Variants in RTN4 observed in about 807,000 individuals in gnomAD.
RTN4 encodes reticulon 4, also known as reticulon-4.
Under a neutral mutation model 90.4 loss-of-function variants are expected in RTN4, and 32 were observed. The ratio of observed to expected loss-of-function variants is 0.35; its 90% CI spans 0.27 to 0.48. The LOEUF (loss-of-function observed/expected upper bound fraction) is 0.48. Among genes scored for constraint, RTN4 ranks in the 20% least tolerant of loss-of-function variants. The probability of loss-of-function intolerance (pLI) is 0.99; values close to 1 mark genes in which losing one functional copy is unlikely to be tolerated. For missense variants in RTN4, 1,706 were observed against 1,430.2 expected (o/e 1.19, Z -3.11); for synonymous variants, 629 against 552.5 (o/e 1.14, Z -1.94).
At chr2:55,127,114 G>A in the RTN4 span, among the ~76,000 whole-genome samples, 31 of 152,014 alleles carry the variant, frequency 2.0e-4, no homozygotes, top group Non-Finnish European at 3.7e-4. Context: ...CCCATAACTC[G>A]TGTTTATCTA....
In RTN4 at chr2:54,973,646, AT is replaced by A; in HGVS notation, c.3478-26del. ...CCTGAAAGAGAGGTATAAAGGAATT[AT>A]TACCGTTGCTAAAGAATCTTATTAA... On this transcript the variant is annotated intron_variant, in intron 7 of 8. Transcript: ENST00000337526. 1.9e-6 allele frequency: 3 copies of A among 1,583,866 alleles called. No individual in the cohort carries two copies. The East Asian group carries it at 6.7e-5, about 35-fold the overall frequency.
intron 3 of RTN4, among the ~76,000 whole-genome samples, chr2:55,011,258 C>T (rs935262821): frequency 1.3e-5 from 2 of 152,072 alleles, no homozygotes; most frequent in Non-Finnish European, 2.9e-5. Flanking sequence ...AACTCCTGGG[C>T]TCAAGCAATT....
At chr2:54,996,762 T>C (rs1477853942) in intron 3 of RTN4, among the ~76,000 whole-genome samples, 1 of 152,204 alleles carries the variant, frequency 6.6e-6, no homozygotes, top group Non-Finnish European at 1.5e-5. Context: ...TATCTTTTTG[T>C]TGTTGTTATT....
At chr2:55,132,896 G>A in the RTN4 span, among the ~76,000 whole-genome samples, 1 of 69,556 alleles carries the variant, frequency 1.4e-5, no homozygotes, top group East Asian at 2.6e-4. Context: ...TTTTGTTGTT[G>A]TTTTTTTTAA....
chr2:55,054,275 A>G (rs892321580), upstream of RTN4, among the ~76,000 whole-genome samples: 2 of 152,000 alleles, frequency 1.3e-5, no homozygotes, highest in South Asian at 4.2e-4. Context: ...TCTGTAATCC[A>G]CCTCTCATCT....
At position 54,993,940 on chromosome 2, in the gene RTN4, T is replaced by C. The variant is rs1257238631; in HGVS notation, c.3014-6242A>G. On this transcript the variant is annotated intron_variant, in intron 3 of 8. Coordinates refer to ENST00000337526, the MANE Select transcript of RTN4 (RefSeq NM_020532.5). ...TCCGTAAAGAAGCTGAAAAGATTGT[T>C]AGTGAAGCTGCAAGAATGAAAAAAA... Among the ~76,000 whole-genome samples, 5 of 152,234 alleles carry C rather than the reference T, an allele frequency of 3.3e-5. No homozygotes were observed. In the East Asian group the frequency reaches 9.6e-4, roughly 29 times the overall value.
At chr2:55,080,403 C>G (rs1347515194) in intron 2 of RTN4, 1 of 151,932 alleles carries the variant, frequency 6.6e-6, no homozygotes, top group Non-Finnish European at 1.5e-5. Context: ...AGGTGGCAGT[C>G]TTGAGCAAAA....
chr2:55,011,748 G>A (rs1199410943), intron 3 of RTN4, among the ~76,000 whole-genome samples: 1 of 152,246 alleles, frequency 6.6e-6, no homozygotes, highest in East Asian at 1.9e-4. Flanking sequence ...TTAGGAAAAT[G>A]AGAGGGGAAA....
At chr2:55,093,183 C>T (rs1304211883) in intron 1 of RTN4, among the ~76,000 whole-genome samples, 6 of 152,086 alleles carry the variant, frequency 3.9e-5, no homozygotes, top group Non-Finnish European at 5.9e-5. Context: ...GAAGAAATGT[C>T]ATACACATTA....
intron 3 of RTN4, among the ~76,000 whole-genome samples, chr2:55,008,136 C>T (rs1020543059): frequency 3.2e-4 from 42 of 129,792 alleles, no homozygotes; most frequent in Middle Eastern, 3.6e-3. Context: ...AGTTAATCGG[C>T]AAGCAAACAC....
At chr2:55,028,799 A>AT (rs953797109) in intron 1 of RTN4, among the ~76,000 whole-genome samples, 48 of 151,868 alleles carry the variant, frequency 3.2e-4, no homozygotes, top group South Asian at 6.2e-4. Context: ...AAAAAAAAAA[A>AT]AATTAACTGC....
At chr2:54,983,700 G>A (rs1678327994) in intron 4 of RTN4, among the ~76,000 whole-genome samples, 1 of 152,120 alleles carries the variant, frequency 6.6e-6, no homozygotes, top group Non-Finnish European at 1.5e-5. Context: ...TCTCTGATCT[G>A]CCTGCATCCA....
At chr2:55,118,793 G>A in the RTN4 span, among the ~76,000 whole-genome samples, 144,936 of 152,314 alleles carry the variant, frequency 0.95, 69,057 homozygotes, top group African/African-American at 0.98. Flanking sequence ...AGATGAGGAC[G>A]CAACCGTTCT....
chr2:55,017,386 T>C (rs1334431942), intron 3 of RTN4, among the ~76,000 whole-genome samples: 1 of 152,214 alleles, frequency 6.6e-6, no homozygotes, highest in East Asian at 1.9e-4. Flanking sequence ...GCTAATTTCG[T>C]ACTATTTACC....
intron 2 of RTN4, among the ~76,000 whole-genome samples, chr2:55,056,285 G>C (rs957261434): frequency 6.6e-5 from 10 of 152,210 alleles, no homozygotes; most frequent in African/African-American, 2.4e-4. Flanking sequence ...TCACTTAGCA[G>C]CCATCCCTGG....
Position 55,009,109 on chromosome 2 carries a change from A to G in RTN4, c.3013+15977T>C, listed in dbSNP as rs146231972. Among the ~76,000 whole-genome samples, 9 of 152,270 alleles carry G rather than the reference A, an allele frequency of 5.9e-5. No homozygotes were observed. In the East Asian group the frequency reaches 1.7e-3, roughly 29 times the overall value. ...AACAAATTTTTAAAAAGACATTGTA[A>G]AAGTTACTGTAATTAGCTCTACATA... On this transcript the variant is annotated intron_variant, in intron 3 of 8. Transcript: ENST00000337526.
At chr2:55,057,365 G>A (rs1254412393) in intron 2 of RTN4, among the ~76,000 whole-genome samples, 1 of 152,216 alleles carries the variant, frequency 6.6e-6, no homozygotes, top group Non-Finnish European at 1.5e-5. Flanking sequence ...AGGCATTTGA[G>A]AAGAGAGCAA....
intron 4 of RTN4, among the ~76,000 whole-genome samples, chr2:54,985,986 T>G (rs1558766836): frequency 6.6e-6 from 1 of 152,206 alleles, no homozygotes; most frequent in Non-Finnish European, 1.5e-5. Flanking sequence ...CAGTAGGAAC[T>G]GAATTTTCGG....
chr2:54,973,734 A>G, intron 7 of RTN4, 87 bp downstream of exon 7: 2 of 1,501,136 alleles, frequency 1.3e-6, no homozygotes, highest in Non-Finnish European at 1.9e-6. Context: ...TTTGTAAGAC[A>G]TTGAAAATGG....
Sources: allele counts gnomAD v4.1 joint callset (sites outside exome capture counted in the v4.1 genomes callset), GRCh38; gene constraint gnomAD v4.1.1; transcripts MANE v1.5; gene names NCBI Gene and HGNC (gene_info 2026-07-23, HGNC 2026-07-21).